Variants in ATR observed in about 807,000 individuals in gnomAD.
ATR encodes the protein ATR checkpoint kinase, also known as serine/threonine-protein kinase ATR.
In ATR, 142 loss-of-function variants were observed where a neutral mutation model predicts 305.3. The observed-to-expected ratio is 0.47, with a 90% CI of 0.41 to 0.53. The LOEUF is 0.53. Ranked by LOEUF, ATR falls within the 20% of genes least tolerant of loss-of-function variation. The pLI is 0.00. For synonymous variants in ATR, 1,050 were observed against 1,068.1 expected (o/e 0.98, Z 0.33); for missense variants, 2,135 against 3,133.1 (o/e 0.68, Z 7.60).
At chr3:142,575,424 C>T (rs181465015) in intron 1 of ATR, among the ~76,000 whole-genome samples, 1 of 146,478 alleles carries the variant, frequency 6.8e-6, no homozygotes, top group African/African-American at 2.5e-5. Context: ...GCAGAGGTTG[C>T]AGTGAGCAGA....
chr3:142,571,907 C>T (rs2035275854), intron 1 of ATR, among the ~76,000 whole-genome samples: 3 of 152,076 alleles, frequency 2.0e-5, no homozygotes, highest in Non-Finnish European at 2.9e-5. Flanking sequence ...GCTAGGATTA[C>T]AGGCGTGTGC....
At chr3:142,528,854 C>CATATATATATATATATATATAT (rs1191100552) in intron 21 of ATR, among the ~76,000 whole-genome samples, 5 of 65,714 alleles carry the variant, frequency 7.6e-5, no homozygotes, top group African/African-American at 3.0e-4. Flanking sequence ...CTGGAATTAT[C>CATATATATATATATATATATAT]ATATATATAT....
chr3:142,467,495 G>A (rs910661485), intron 39 of ATR, among the ~76,000 whole-genome samples: 1 of 152,072 alleles, frequency 6.6e-6, no homozygotes, highest in Admixed American at 6.6e-5. Flanking sequence ...CTAAAAGAAT[G>A]AAAAGCAAAA....
rs757421399 is a variant in ATR, at chr3:142,558,696, C to G, written c.1813G>C (p.Asp605His). Residue 605 changes from aspartate to histidine, a missense_variant, in exon 8 of 47, where the codon GAT (aspartate) becomes CAT (histidine). Physicochemically the swap from Asp to His is moderately conservative, Grantham distance 81. Around this residue, in one of 9 missense-constraint regions of ATR, gnomAD observed 744 missense variants for 873.2 expected, o/e 0.85. Transcript: ENST00000350721. ...AATGTGGTCAACTTTAAACAGCCAT[C>G]ATCAGAATGGGAATAAATCCATGGA... Reference protein sequence around the residue: ...SLPWIYSHSDDGCLKLTTFAA... With the variant: ...SLPWIYSHSDHGCLKLTTFAA... The G allele has an allele frequency of 6.2e-7, 1 of 1,612,856 alleles. No individual in the cohort carries two copies. Among genetic ancestry groups the G allele is most frequent in the Non-Finnish European group, 8.5e-7 (1 of 1,179,140 alleles).
In ATR at chr3:142,463,148, A is replaced by G. The variant is rs549108121; in HGVS notation, c.7042-1058T>C. On this transcript the variant is annotated intron_variant, in intron 41 of 46. Transcript: ENST00000350721. ...AACTAACATAGTTTTTTACAAAACTATGTTAGTAAATATGTTACTAACTAA... is the reference window on the plus strand; with the variant it reads ...AACTAACATAGTTTTTTACAAAACTGTGTTAGTAAATATGTTACTAACTAA... Among the ~76,000 whole-genome samples the G allele has an allele frequency of 2.5e-4, 38 of 152,322 alleles. No homozygotes were observed. In the East Asian group the frequency reaches 6.4e-3, roughly 25 times the overall value.
In ATR at chr3:142,553,214, C is replaced by A; in HGVS notation, c.2805+13G>T. The A allele has an allele frequency of 1.2e-6, 2 of 1,613,674 alleles. No homozygotes were observed. The highest frequency in any genetic ancestry group is 1.7e-6 in the Non-Finnish European group (2 of 1,179,684). On this transcript the variant is annotated intron_variant, in intron 13 of 46. Transcript: ENST00000350721. ...TGCTGTTGCCTATAGTCCAGACAAA[C>A]GCTGACTCTTACCTGACAGATGGGT...
intron 35 of ATR, 28 bp from the exon 36 acceptor site, chr3:142,485,310 C>A (rs1468765147): frequency 6.2e-7 from 1 of 1,613,130 alleles, no homozygotes; most frequent in East Asian, 2.2e-5. Context: ...GGATACCTAC[C>A]TAAGGAAATC....
chr3:142,536,042 T>A lies in ATR; in HGVS notation c.3819+66A>T. ...ATGATCCTAAAGGATCTTTATTTCA[T>A]GTATTGGAACTTGGGAACAATTCTG... On this transcript the variant is annotated intron_variant, in intron 20 of 46. Transcript: ENST00000350721. 4 of 1,102,314 alleles carry A rather than the reference T, an allele frequency of 3.6e-6. No individual in the cohort carries two copies. The South Asian group carries it at 5.1e-5, about 14-fold the overall frequency. 68.3% of individuals were successfully genotyped at this position (1,102,314 alleles called of 1,614,324 possible).
At chr3:142,466,252 C>G in intron 40 of ATR, 72 bp downstream of exon 40, 2 of 1,455,736 alleles carry the variant, frequency 1.4e-6, no homozygotes, top group Non-Finnish European at 1.9e-6. Flanking sequence ...TTGTGAAATA[C>G]ACTTTTTATC....
chr3:142,536,065 C>G (rs2108427267), intron 20 of ATR, 43 bp downstream of exon 20: 3 of 1,323,218 alleles, frequency 2.3e-6, no homozygotes, highest in Non-Finnish European at 3.3e-6. Flanking sequence ...GGGAACAATT[C>G]TGTATTAATG....
chr3:142,532,741 C>T (rs7647573), intron 21 of ATR, among the ~76,000 whole-genome samples: 95,797 of 152,072 alleles, frequency 0.63, 31,094 homozygotes, highest in African/African-American at 0.79. Flanking sequence ...ACCACAACTT[C>T]AGGTGTATTT....
chr3:142,461,922 A>G lies in ATR; in HGVS notation c.7192+18T>C, dbSNP rs1349447137. 1.2e-6 allele frequency: 2 copies of G among 1,609,584 alleles called. No homozygotes were observed. The highest frequency in any genetic ancestry group is 1.7e-4 in the Middle Eastern group (1 of 6,006). On this transcript the variant is annotated intron_variant, in intron 42 of 46. Transcript: ENST00000350721. ...CTTAGTACCCACACTGTATATGTAT[A>G]AGAATTAATTTTAGTACCCTTTTCT...
At position 142,578,510 on chromosome 3, in the gene ATR, C is replaced by T. The variant is rs986025883; in HGVS notation, c.59+136G>A. On this transcript the variant is annotated intron_variant, in intron 1 of 46. Transcript: ENST00000350721. The stretch of plus-strand genomic sequence containing the variant: ...GAGGGAGAAGCGCCCAAATCAGCCA[C>T]GGAGCATCTCCACAAGGGCCGCAGC... 5.8e-6 allele frequency: 6 copies of T among 1,034,592 alleles called. No individual in the cohort carries two copies. In the South Asian group the frequency reaches 6.7e-5, roughly 12 times the overall value. 64.1% of individuals were successfully genotyped at this position (1,034,592 alleles called of 1,614,324 possible). A position where few individuals can be genotyped will look rare whatever the true frequency, so the allele number is the denominator to read the frequency against.
intron 36 of ATR, among the ~76,000 whole-genome samples, chr3:142,476,650 T>C (rs2071461324): frequency 6.6e-6 from 1 of 152,128 alleles, no homozygotes; most frequent in African/African-American, 2.4e-5. Context: ...GGTAGCTTGA[T>C]GGGGATGGCA....
At chr3:142,578,600 G>A (rs1245922664) in intron 1 of ATR, 46 bp downstream of exon 1, 3 of 1,589,928 alleles carry the variant, frequency 1.9e-6, no homozygotes, top group Non-Finnish European at 2.6e-6. Context: ...ACCCAAGCCG[G>A]AATCAGCGGA....
chr3:142,461,687 T>C (rs2071025399), intron 42 of ATR, among the ~76,000 whole-genome samples: 1 of 151,958 alleles, frequency 6.6e-6, no homozygotes, highest in Admixed American at 6.6e-5. Flanking sequence ...AAAACAAATA[T>C]TCATATATAG....
intron 36 of ATR, among the ~76,000 whole-genome samples, chr3:142,482,988 T>A (rs1290868333): frequency 1.4e-5 from 2 of 146,144 alleles, no homozygotes. Flanking sequence ...CCCCTTTCTT[T>A]CTTTTTTTTT....
intron 27 of ATR, among the ~76,000 whole-genome samples, chr3:142,508,943 A>G (rs1235830042): frequency 6.6e-6 from 1 of 150,410 alleles, no homozygotes; most frequent in East Asian, 1.9e-4. Flanking sequence ...AAAAAAAAGA[A>G]AGAAATTGAA....
At chr3:142,449,642 A>G in intron 46 of ATR, 40 bp from the exon 47 acceptor site, 2 of 1,587,306 alleles carry the variant, frequency 1.3e-6, no homozygotes, top group African/African-American at 2.7e-5. Context: ...AGATGTTAAT[A>G]ATTTGGAATT....
Sources: gnomAD v4.1 joint callset for allele counts (sites outside exome capture counted in the v4.1 genomes callset) on GRCh38, gnomAD v4.1.1 for gene constraint, gnomAD v4.1.1 regional missense constraint, MANE v1.5 for transcripts, NCBI Gene and HGNC (gene_info 2026-07-23, HGNC 2026-07-21) for gene names.